The following WFDC10B variants were observed in gnomAD, a reference collection of about 807,000 sequenced individuals.
WFDC10B encodes the protein protein WFDC10B.
A neutral mutation model predicts 2.7 loss-of-function variants in WFDC10B; 1 was observed. The ratio of observed to expected loss-of-function variants is 0.38; its 90% confidence interval spans 0.13 to 1.79. WFDC10B has a LOEUF of 1.79. Among genes scored for constraint, WFDC10B ranks in the 40% most tolerant of loss-of-function variants. The pLI, the probability that WFDC10B is intolerant of heterozygous loss-of-function variation, is 0.33. For missense variants in WFDC10B, 71 were observed against 87.8 expected, an observed-to-expected ratio of 0.81 and a Z score of 0.76; for synonymous variants, 26 against 32.2, an observed-to-expected ratio of 0.81 and a Z score of 0.65.
chr20:45,701,956 G>T, intron 2 of WFDC10B: 1 of 617,582 alleles, frequency 1.6e-6, no homozygotes, highest in Non-Finnish European at 2.9e-6. Context: ...GGGTGTGATT[G>T]GGAGGTGCTT....
At chr20:45,696,705 G>A (rs1449649695) in intron 2 of WFDC10B, among the ~76,000 whole-genome samples, 1 of 152,058 alleles carries the variant, frequency 6.6e-6, no homozygotes, top group African/African-American at 2.4e-5. Flanking sequence ...GACTTGAGAA[G>A]GAATAGAAAA....
At chr20:45,692,582 C>A (rs1046082137) in intron 2 of WFDC10B, among the ~76,000 whole-genome samples, 3 of 152,060 alleles carry the variant, frequency 2.0e-5, no homozygotes, top group Non-Finnish European at 1.5e-5. Context: ...TCATTTCATT[C>A]GTCTTCCATC....
chr20:45,701,615 A>G lies in WFDC10B; in HGVS notation c.-65+2882T>C, dbSNP rs558399507. On this transcript the variant is annotated intron_variant, in intron 2 of 3. Transcript: ENST00000330523. The stretch of plus-strand genomic sequence containing the variant: ...CATCTCTACTAAAAATACAAAAATT[A>G]GCTGGACATGGTGGTACACGCCTGT... 3.9e-5 allele frequency among the ~76,000 whole-genome samples: 6 copies of G among 152,176 alleles called. No homozygotes were observed. In the South Asian group the frequency reaches 1.2e-3, roughly 32 times the overall value.
chr20:45,696,217 C>T (rs1313104205), intron 2 of WFDC10B, among the ~76,000 whole-genome samples: 3 of 145,138 alleles, frequency 2.1e-5, no homozygotes, highest in Admixed American at 7.3e-5. Flanking sequence ...ACCCAGGAGG[C>T]AGAGGTTGCA....
intron 2 of WFDC10B, among the ~76,000 whole-genome samples, chr20:45,688,533 T>A (rs1016853562): frequency 1.3e-5 from 2 of 152,324 alleles, no homozygotes; most frequent in Non-Finnish European, 2.9e-5. Flanking sequence ...TTATTGCCAT[T>A]CTAACTGGTG....
In WFDC10B at chr20:45,704,969, G is replaced by T; in HGVS notation, c.-181C>A. On this transcript the variant is annotated 5_prime_UTR_variant, in exon 1 of 4. Transcript: ENST00000330523. ...CAAAATTTGTCCTACACTTTTGCTT[G>T]CCCTCCTTTCACAAGACACCATCCT... 1 of 1,614,092 alleles carries T rather than the reference G, an allele frequency of 6.2e-7. No homozygotes were observed. Among genetic ancestry groups the T allele is most frequent in the East Asian group, 2.2e-5 (1 of 44,878 alleles).
At chr20:45,696,773 A>G (rs541126133) in intron 2 of WFDC10B, among the ~76,000 whole-genome samples, 1 of 152,184 alleles carries the variant, frequency 6.6e-6, no homozygotes, top group African/African-American at 2.4e-5. Context: ...AAAAATACAC[A>G]TGACTCTCTT....
chr20:45,686,705 C>T (rs1299369669), intron 2 of WFDC10B, among the ~76,000 whole-genome samples: 2 of 151,548 alleles, frequency 1.3e-5, no homozygotes, highest in Non-Finnish European at 2.9e-5. Context: ...CACTCCACAC[C>T]AGGCTGGAGT....
intron 2 of WFDC10B, among the ~76,000 whole-genome samples, chr20:45,703,370 A>G (rs1984251202): frequency 6.6e-6 from 1 of 152,100 alleles, no homozygotes; most frequent in African/African-American, 2.4e-5. Flanking sequence ...CTTTTACCCC[A>G]ATTCTGGTGC....
intron 2 of WFDC10B, among the ~76,000 whole-genome samples, chr20:45,698,359 A>ATGAC (rs1984040909): frequency 6.6e-6 from 1 of 152,214 alleles, no homozygotes; most frequent in Non-Finnish European, 1.5e-5. Context: ...GTAAATCTTC[A>ATGAC]TGACTATGGA....
chr20:45,688,999 T>C (rs931312414), intron 2 of WFDC10B, among the ~76,000 whole-genome samples: 5 of 151,440 alleles, frequency 3.3e-5, no homozygotes, highest in African/African-American at 1.2e-4. Context: ...CTTTAATCCA[T>C]CTTGAATTAA....
intron 2 of WFDC10B, among the ~76,000 whole-genome samples, chr20:45,692,356 G>A (rs1183944549): frequency 2.0e-5 from 3 of 151,978 alleles, no homozygotes; most frequent in Non-Finnish European, 2.9e-5. Context: ...GGCATTCTCT[G>A]TATTTCCTGA....
At chr20:45,691,959 T>C (rs956672072) in intron 2 of WFDC10B, among the ~76,000 whole-genome samples, 1 of 152,224 alleles carries the variant, frequency 6.6e-6, no homozygotes, top group African/African-American at 2.4e-5. Context: ...TGACATGATT[T>C]TGCAGTGGCT....
At chr20:45,698,229 G>A (rs899095501) in intron 2 of WFDC10B, among the ~76,000 whole-genome samples, 12 of 152,198 alleles carry the variant, frequency 7.9e-5, no homozygotes, top group African/African-American at 2.4e-4. Flanking sequence ...AGGCTGAACC[G>A]AAGCCAAGGC....
chr20:45,686,118 C>A, intron 2 of WFDC10B, 62 bp from the exon 3 acceptor site: 3 of 1,482,576 alleles, frequency 2.0e-6, no homozygotes, highest in Non-Finnish European at 2.7e-6. Context: ...CTCCACTGGA[C>A]AAGTCAGGGC....
chr20:45,692,789 G>A (rs1368487311), intron 2 of WFDC10B, among the ~76,000 whole-genome samples: 1 of 151,992 alleles, frequency 6.6e-6, no homozygotes, highest in Non-Finnish European at 1.5e-5. Flanking sequence ...TCCTCCTGTA[G>A]CTCGTAGTTT....
chr20:45,693,808 C>T (rs1031179176), intron 2 of WFDC10B, among the ~76,000 whole-genome samples: 2 of 152,352 alleles, frequency 1.3e-5, no homozygotes, highest in East Asian at 1.9e-4. Context: ...CGCACTGCTT[C>T]GGCTTGCGCA....
rs200803055 is a variant in WFDC10B, at chr20:45,685,911, T to C, written c.82A>G (p.Arg28Gly). ...QAQGGYRDKM[R>G]MQRIKVCEKR... ...GCAGCCCATCACCTACTCTGCATCC[T>C]CATCTTGTCACGGTATCCTCCCTGG... Residue 28 changes from arginine (R) to glycine (G), a missense_variant, in exon 3 of 4, where the codon AGG becomes GGG. Physicochemically the swap from Arg to Gly is moderately radical, Grantham distance 125. Transcript: ENST00000330523. The C allele has an allele frequency of 9.9e-5, 160 of 1,613,954 alleles. No homozygotes were observed. Among genetic ancestry groups the C allele is most frequent in the Non-Finnish European group, 1.3e-4 (152 of 1,180,004 alleles).
Position 45,704,959 on chromosome 20 carries a change from A to G in WFDC10B, c.-171T>C. On this transcript the variant is annotated 5_prime_UTR_variant, in exon 1 of 4. Transcript: ENST00000330523. ...AATCCCAAAGCAAAATTTGTCCTAC[A>G]CTTTTGCTTGCCCTCCTTTCACAAG... is the stretch of plus-strand genomic sequence containing the variant. The G allele has an allele frequency of 1.2e-6, 2 of 1,613,996 alleles. No homozygotes were observed. The highest frequency in any genetic ancestry group is 1.7e-6 in the Non-Finnish European group (2 of 1,179,976).
Sources: allele counts gnomAD v4.1 joint callset (sites outside exome capture counted in the v4.1 genomes callset), GRCh38; gene constraint gnomAD v4.1.1; transcripts MANE v1.5; gene names NCBI Gene and HGNC (gene_info 2026-07-23, HGNC 2026-07-21).